PRKN: variants seen among roughly 807,000 people sequenced by gnomAD.
PRKN encodes the protein parkin RBR E3 ubiquitin protein ligase, also known as E3 ubiquitin-protein ligase parkin.
In PRKN, 56 loss-of-function variants were observed where a neutral mutation model predicts 59.5. The ratio of observed to expected loss-of-function variants is 0.94; its 90% CI spans 0.76 to 1.18. The LOEUF (loss-of-function observed/expected upper bound fraction) is 1.18. PRKN is among the 50% of genes most tolerant of loss of function. The probability of loss-of-function intolerance (pLI) is 0.00; values close to 1 mark genes in which losing one functional copy is unlikely to be tolerated. For synonymous variants in PRKN, 250 were observed against 222.1 expected, an observed-to-expected ratio of 1.13 and a Z score of -1.12; for missense variants, 657 against 596.4, an observed-to-expected ratio of 1.10 and a Z score of -1.06.
chr6:161,365,632 C>T (rs894345552), intron 10 of PRKN, among the ~76,000 whole-genome samples: 2 of 152,204 alleles, frequency 1.3e-5, no homozygotes, highest in Non-Finnish European at 2.9e-5. Flanking sequence ...GAAATAATTA[C>T]TTTTCAAAAT....
intron 6 of PRKN, among the ~76,000 whole-genome samples, chr6:161,786,952 G>A (rs1477376169): frequency 2.5e-4 from 38 of 151,454 alleles, no homozygotes; most frequent in South Asian, 2.1e-4. Flanking sequence ...ACTGGAAAAC[G>A]AACCACACAA....
intron 9 of PRKN, among the ~76,000 whole-genome samples, chr6:161,425,982 C>T (rs1051804605): frequency 2.6e-4 from 40 of 152,046 alleles, no homozygotes; most frequent in Non-Finnish European, 1.0e-4. Flanking sequence ...CAACACCGAG[C>T]AGGAGTGACA....
chr6:161,479,155 G>A (rs887632439), intron 9 of PRKN, among the ~76,000 whole-genome samples: 3 of 152,184 alleles, frequency 2.0e-5, no homozygotes, highest in African/African-American at 7.2e-5. Flanking sequence ...CGTTCTGTAT[G>A]CCGTATGATT....
chr6:162,519,345 C>A (rs553534395), intron 1 of PRKN, among the ~76,000 whole-genome samples: 15 of 152,224 alleles, frequency 9.9e-5, no homozygotes, highest in African/African-American at 3.4e-4. Context: ...GTAGCTTGAG[C>A]GCTAGTGTGT....
chr6:161,354,204 C>G lies in PRKN; in HGVS notation c.1286-3993G>C, dbSNP rs1167681412. 1.3e-5 allele frequency among the ~76,000 whole-genome samples: 2 copies of G among 152,156 alleles called. No homozygotes were observed. The highest frequency in any genetic ancestry group is 2.9e-5 in the Non-Finnish European group (2 of 68,042). ...ATACACAAGGCCATAGAGCTAGACCCAGGCCATGGAGGAGCATGGAGGACC... is the reference window on the plus strand; with the variant it reads ...ATACACAAGGCCATAGAGCTAGACCGAGGCCATGGAGGAGCATGGAGGACC... On this transcript the variant is annotated intron_variant, in intron 11 of 11. Transcript: ENST00000366898. The surrounding 1 kb of genome is among the most constrained non-coding windows in gnomAD (Gnocchi z 6.7).
intron 1 of PRKN, among the ~76,000 whole-genome samples, chr6:162,635,449 A>T (rs1777672163): frequency 6.6e-6 from 1 of 152,130 alleles, no homozygotes; most frequent in South Asian, 2.1e-4. Flanking sequence ...AAAAGGTTCA[A>T]ATTTGACTTT....
chr6:161,451,658 A>G lies in PRKN; in HGVS notation c.1084-64781T>C, dbSNP rs1040427660. Among the ~76,000 whole-genome samples the G allele has an allele frequency of 6.6e-6, 1 of 152,204 alleles. No homozygotes were observed. The highest frequency in any genetic ancestry group is 2.4e-5 in the African/African-American group (1 of 41,456). ...ATTCCAAGAGAAAGTGGCAGTCAACAGTGGTTTTGTACAATGCGGATAAAT... is the reference window on the plus strand; with the variant it reads ...ATTCCAAGAGAAAGTGGCAGTCAACGGTGGTTTTGTACAATGCGGATAAAT... On this transcript the variant is annotated intron_variant, in intron 9 of 11. Coordinates refer to ENST00000366898, the MANE Select transcript of PRKN (RefSeq NM_004562.3). The surrounding 1 kb of genome is among the most constrained non-coding windows in gnomAD (Gnocchi z 5.9).
chr6:161,733,798 G>GTATATATATA lies in PRKN; in HGVS notation c.871+51964_871+51973dup, dbSNP rs10597402. Reference sequence around the variant, plus strand: ...AAAAAAAAAAAATATATATATATATGTATATATATATATATATATATATGT... The same window carrying GTATATATATA: ...AAAAAAAAAAAATATATATATATATGTATATATATATATATATATATATATATATATATGT... On this transcript the variant is annotated intron_variant, in intron 7 of 11. Coordinates refer to ENST00000366898, the MANE Select transcript of PRKN (RefSeq NM_004562.3). Among the ~76,000 whole-genome samples the GTATATATATA allele has an allele frequency of 2.1e-3, 262 of 122,342 alleles. 8 individuals carry two copies. Among genetic ancestry groups the GTATATATATA allele is most frequent in the African/African-American group, 6.3e-3 (196 of 31,026 alleles). 80.3% of individuals were successfully genotyped at this position (122,342 alleles called of 152,430 possible).
chr6:162,580,434 G>T (rs891270262), intron 1 of PRKN, among the ~76,000 whole-genome samples: 3 of 131,356 alleles, frequency 2.3e-5, no homozygotes. Flanking sequence ...GCAAGACCCT[G>T]TCTCAGAAAA....
intron 2 of PRKN, among the ~76,000 whole-genome samples, chr6:162,393,152 A>ATTTTTTTTTTTTTTTTT (rs1369959830): frequency 6.3e-4 from 49 of 78,032 alleles, no homozygotes; most frequent in East Asian, 3.2e-3. Context: ...AGGATAGGAG[A>ATTTTTTTTTTTTTTTTT]TTCTTTTTTT....
chr6:162,440,146 A>G (rs1789984068), intron 2 of PRKN, among the ~76,000 whole-genome samples: 1 of 152,180 alleles, frequency 6.6e-6, no homozygotes, highest in South Asian at 2.1e-4. Context: ...AATTTTTTAA[A>G]GTTCTTAAAG....
At chr6:161,771,360 A>AAAAAAAAAAAAAAAAAAAG (rs1789671569) in intron 7 of PRKN, among the ~76,000 whole-genome samples, 1 of 73,026 alleles carries the variant, frequency 1.4e-5, no homozygotes, top group Non-Finnish European at 3.1e-5. Flanking sequence ...CACCTCAAAA[A>AAAAAAAAAAAAAAAAAAAG]AAAAAAAAAA....
At chr6:162,509,538 T>C (rs1267469569) in intron 1 of PRKN, among the ~76,000 whole-genome samples, 1 of 152,180 alleles carries the variant, frequency 6.6e-6, no homozygotes, top group African/African-American at 2.4e-5. Flanking sequence ...CATGCATAAT[T>C]CATAGATTTT....
intron 1 of PRKN, among the ~76,000 whole-genome samples, chr6:162,461,480 G>C (rs1385034003): frequency 1.6e-4 from 16 of 100,236 alleles, no homozygotes; most frequent in African/African-American, 5.7e-4. Context: ...CCAGCCTGGA[G>C]GACAGAGTTA....
chr6:162,642,434 T>A (rs987583201), intron 1 of PRKN, among the ~76,000 whole-genome samples: 1 of 152,186 alleles, frequency 6.6e-6, no homozygotes, highest in Non-Finnish European at 1.5e-5. Context: ...TTAATTTTAA[T>A]CCAAATTTTG....
At chr6:161,841,504 C>G (rs2128220716) in intron 6 of PRKN, among the ~76,000 whole-genome samples, 1 of 152,184 alleles carries the variant, frequency 6.6e-6, no homozygotes, top group African/African-American at 2.4e-5. Context: ...CGTGTGCCAC[C>G]ACGCCCAGCT....
chr6:162,409,442 C>T (rs1305257937), intron 2 of PRKN, among the ~76,000 whole-genome samples: 1 of 152,048 alleles, frequency 6.6e-6, no homozygotes, highest in Non-Finnish European at 1.5e-5. Context: ...CAGGTGTGCA[C>T]CACCACGCCC....
chr6:162,354,994 G>T (rs763182654), intron 2 of PRKN, among the ~76,000 whole-genome samples: 3 of 151,750 alleles, frequency 2.0e-5, no homozygotes, highest in Non-Finnish European at 2.9e-5. Context: ...TCACTTAAAA[G>T]AATATACATC....
chr6:161,797,165 C>CCA (rs1372776119), intron 6 of PRKN, among the ~76,000 whole-genome samples: 1 of 152,212 alleles, frequency 6.6e-6, no homozygotes, highest in Non-Finnish European at 1.5e-5. Flanking sequence ...AAACCCTGCA[C>CCA]AAACAATTGT....
Sources: allele counts gnomAD v4.1 joint callset (sites outside exome capture counted in the v4.1 genomes callset), GRCh38; gene constraint gnomAD v4.1.1; non-coding constraint Gnocchi (gnomAD v3.1); transcripts MANE v1.5; gene names NCBI Gene and HGNC (gene_info 2026-07-23, HGNC 2026-07-21).